LRRN1: variants seen among roughly 807,000 people sequenced by gnomAD.
LRRN1 encodes the protein leucine rich repeat neuronal 1, also known as leucine-rich repeat neuronal protein 1.
A neutral mutation model predicts 45.8 loss-of-function variants in LRRN1; 14 were observed. That is an observed-to-expected ratio of 0.31 (90% CI 0.20 to 0.48). The LOEUF (loss-of-function observed/expected upper bound fraction) is 0.48, where lower values mean the gene tolerates loss of function less well. Among genes scored for constraint, LRRN1 ranks in the 20% least tolerant of loss-of-function variants. The probability of loss-of-function intolerance (pLI) is 0.99; values close to 1 mark genes in which losing one functional copy is unlikely to be tolerated. For missense variants in LRRN1, 789 were observed against 874.2 expected (o/e 0.90, Z 1.23); for synonymous variants, 359 against 330.1 (o/e 1.09, Z -0.95).
rs1693159283 is a variant in LRRN1, at chr3:3,823,823, G to A, written c.-278-20541G>A. Among the ~76,000 whole-genome samples, 4 of 152,194 alleles carry A rather than the reference G, an allele frequency of 2.6e-5. 1 individual carries two copies. In the South Asian group the frequency reaches 8.3e-4, roughly 32 times the overall value. On this transcript the variant is annotated intron_variant, in intron 1 of 1. Transcript: ENST00000319331. Reference sequence around the variant, plus strand: ...GTTTCTCTTAAAAATCTGGGAGCAAGTGTTTTGCTCCCAATCAAGAAGTGC... The same window carrying A: ...GTTTCTCTTAAAAATCTGGGAGCAAATGTTTTGCTCCCAATCAAGAAGTGC...
At chr3:3,830,064 CT>C in intron 1 of LRRN1, among the ~76,000 whole-genome samples, 1 of 152,276 alleles carries the variant, frequency 6.6e-6, no homozygotes, top group African/African-American at 2.4e-5. Context: ...ACCTATATCC[CT>C]GCCACCATGG....
intron 1 of LRRN1, among the ~76,000 whole-genome samples, chr3:3,810,786 A>G (rs963938344): frequency 2.0e-5 from 3 of 152,214 alleles, no homozygotes; most frequent in Non-Finnish European, 2.9e-5. Context: ...AGGGAGATGA[A>G]CCCACAGAGG....
chr3:3,802,652 A>C (rs143482590), intron 1 of LRRN1, among the ~76,000 whole-genome samples: 1 of 152,346 alleles, frequency 6.6e-6, no homozygotes, highest in Non-Finnish European at 1.5e-5. Context: ...TTTAAGTAAG[A>C]AAATGTTATA....
In LRRN1 at chr3:3,845,036, C is replaced by G. The variant is rs1320781119; in HGVS notation, c.395C>G (p.Thr132Ser). ...CTGCATTTGGAGGAAAATCAGATTA[C>G]CGAGATGACTGATTACTGTCTACAA... ...TTLHLEENQI[T>S]EMTDYCLQDL... Residue 132 changes from threonine (T) to serine (S), a missense_variant, in exon 2 of 2, where the codon ACC (threonine) becomes AGC (serine). Coordinates refer to ENST00000319331, the MANE Select transcript of LRRN1 (RefSeq NM_020873.7). This position sits in a 1 kb window ranked among gnomAD's most constrained non-coding sequence, Gnocchi z 6.5. The G allele has an allele frequency of 4.3e-6, 7 of 1,614,156 alleles. No homozygotes were observed. The highest frequency in any genetic ancestry group is 1.1e-5 in the South Asian group (1 of 91,082).
intron 1 of LRRN1, among the ~76,000 whole-genome samples, chr3:3,824,113 C>T (rs960947285): frequency 1.3e-5 from 2 of 152,100 alleles, no homozygotes; most frequent in Non-Finnish European, 2.9e-5. Context: ...AGGCATGGGC[C>T]CTATGTCCAT....
chr3:3,814,616 A>T (rs1692950942), intron 1 of LRRN1, among the ~76,000 whole-genome samples: 1 of 152,220 alleles, frequency 6.6e-6, no homozygotes, highest in Non-Finnish European at 1.5e-5. Context: ...GTGATGAAGT[A>T]ATCAGGGCTC....
chr3:3,804,792 C>G (rs1692721308), intron 1 of LRRN1, among the ~76,000 whole-genome samples: 1 of 29,532 alleles, frequency 3.4e-5, no homozygotes, highest in African/African-American at 1.2e-4. Flanking sequence ...TAACAATGTA[C>G]ATGTGACATC....
intron 1 of LRRN1, among the ~76,000 whole-genome samples, chr3:3,829,389 G>A (rs1194518905): frequency 2.0e-5 from 3 of 152,132 alleles, no homozygotes; most frequent in East Asian, 3.9e-4. Flanking sequence ...ATGTAATGTC[G>A]TGGGAATAGG....
chr3:3,806,283 G>C (rs923496650), intron 1 of LRRN1, among the ~76,000 whole-genome samples: 12 of 152,196 alleles, frequency 7.9e-5, no homozygotes, highest in Non-Finnish European at 1.8e-4. Flanking sequence ...GTGCAGCATA[G>C]CGTGCTATGA....
chr3:3,840,765 G>T (rs939130111), intron 1 of LRRN1, among the ~76,000 whole-genome samples: 9 of 152,080 alleles, frequency 5.9e-5, no homozygotes, highest in Non-Finnish European at 1.3e-4. Flanking sequence ...ATGGTTGATT[G>T]GTTGGTTAGT....
rs147394302 is a variant in LRRN1 at position 3,833,892 on chromosome 3, C to T, written c.-278-10472C>T. Among the ~76,000 whole-genome samples, 754 of 152,274 alleles carry T rather than the reference C, an allele frequency of 5.0e-3. 4 individuals carry two copies. The highest frequency in any genetic ancestry group is 0.013 in the African/African-American group (528 of 41,552). On this transcript the variant is annotated intron_variant, in intron 1 of 1. Coordinates refer to ENST00000319331, the MANE Select transcript of LRRN1 (RefSeq NM_020873.7). Reference sequence around the variant, plus strand: ...CTTCATCAGGGTGCTCCCACACATCCCCATTCCAAGTTGCAGGGTTGCATT... The same window carrying T: ...CTTCATCAGGGTGCTCCCACACATCTCCATTCCAAGTTGCAGGGTTGCATT...
chr3:3,845,121 T>G lies in LRRN1; in HGVS notation c.480T>G (p.Ala160=), dbSNP rs1301957964. 6.2e-7 allele frequency: 1 copy of G among 1,614,200 alleles called. No individual in the cohort carries two copies. Reference sequence around the variant, plus strand: ...ACAACCAAATTAGCACTATTTCTGCTCATGCTTTTGCAGGCTTAAAAAATC... The same window carrying G: ...ACAACCAAATTAGCACTATTTCTGCGCATGCTTTTGCAGGCTTAAAAAATC... ...INHNQISTIS[A]HAFAGLKNLL... Residue 160 remains alanine (A), a synonymous_variant, in exon 2 of 2, where the codon GCT becomes GCG. Coordinates refer to ENST00000319331, the MANE Select transcript of LRRN1 (RefSeq NM_020873.7). The surrounding 1 kb of genome is among the most constrained non-coding windows in gnomAD (Gnocchi z 6.5).
intron 1 of LRRN1, among the ~76,000 whole-genome samples, chr3:3,833,641 T>G (rs1440904650): frequency 6.6e-6 from 1 of 152,070 alleles, no homozygotes; most frequent in Non-Finnish European, 1.5e-5. Context: ...ACAGGGGTAT[T>G]AGGGGTGGCT....
At chr3:3,807,405 T>G (rs1246112430) in intron 1 of LRRN1, among the ~76,000 whole-genome samples, 3 of 152,208 alleles carry the variant, frequency 2.0e-5, no homozygotes, top group African/African-American at 4.8e-5. Flanking sequence ...AACTTTCCTA[T>G]CAGAGAATAA....
chr3:3,817,038 A>C (rs1472623412), intron 1 of LRRN1, among the ~76,000 whole-genome samples: 1 of 152,218 alleles, frequency 6.6e-6, no homozygotes, highest in Non-Finnish European at 1.5e-5. Flanking sequence ...ATGGAGGCCG[A>C]GAAGCCCCAC....
intron 1 of LRRN1, among the ~76,000 whole-genome samples, chr3:3,821,019 CGTG>C (rs1274979434): frequency 6.6e-6 from 1 of 152,182 alleles, no homozygotes; most frequent in African/African-American, 2.4e-5. Flanking sequence ...TCTTTTTAAA[CGTG>C]GTCTGCATGA....
chr3:3,814,155 T>C (rs1049787156), intron 1 of LRRN1, among the ~76,000 whole-genome samples: 9 of 149,158 alleles, frequency 6.0e-5, no homozygotes, highest in Non-Finnish European at 1.3e-4. Context: ...CTTTAGCTTA[T>C]TGGAAGTGCT....
At chr3:3,834,947 T>C (rs1425799328) in intron 1 of LRRN1, among the ~76,000 whole-genome samples, 1 of 152,144 alleles carries the variant, frequency 6.6e-6, no homozygotes, top group Non-Finnish European at 1.5e-5. Context: ...CAACCGGGGT[T>C]AATGCTTTGT....
chr3:3,842,254 A>G (rs1009197201), intron 1 of LRRN1, among the ~76,000 whole-genome samples: 1 of 152,066 alleles, frequency 6.6e-6, no homozygotes, highest in African/African-American at 2.4e-5. Context: ...AATAAATGGT[A>G]AAGTAACCAG....
Sources: gnomAD v4.1 joint callset for allele counts (sites outside exome capture counted in the v4.1 genomes callset) on GRCh38, gnomAD v4.1.1 for gene constraint, Gnocchi (gnomAD v3.1) non-coding constraint, MANE v1.5 for transcripts, NCBI Gene and HGNC (gene_info 2026-07-23, HGNC 2026-07-21) for gene names.